LRRC73: variants seen among roughly 807,000 people sequenced by gnomAD.
LRRC73 encodes the protein leucine rich repeat containing 73, also known as leucine-rich repeat-containing protein 73.
In LRRC73, 16 loss-of-function variants were observed where a neutral mutation model predicts 26.4. The ratio of observed to expected loss-of-function variants is 0.61; its 90% CI spans 0.41 to 0.92. LRRC73 has a LOEUF of 0.92. LRRC73 is among the 40% of genes least tolerant of loss of function. LRRC73 has a pLI of 0.00. For synonymous variants in LRRC73, 210 were observed against 179.8 expected, an observed-to-expected ratio of 1.17 and a Z score of -1.34; for missense variants, 344 against 416.3, an observed-to-expected ratio of 0.83 and a Z score of 1.51.
rs1159621121 is a variant in LRRC73 at position 43,508,283 on chromosome 6, A to G, written c.556+15T>C. ...TGAGGCAGTGACAGCCCAAGGGGGT[A>G]TTCTTGAGCCTCACCCAGGGGGTTG... On this transcript the variant is annotated intron_variant, in intron 3 of 5. Coordinates refer to ENST00000372441, the Ensembl canonical transcript of LRRC73. 6.2e-7 allele frequency: 1 copy of G among 1,604,828 alleles called. No homozygotes were observed. Among genetic ancestry groups the G allele is most frequent in the Non-Finnish European group, 8.5e-7 (1 of 1,175,078 alleles).
exon 1 of LRRC73, chr6:43,509,749 G>A (rs1792607611): frequency 1.9e-6 from 3 of 1,585,634 alleles, no homozygotes. Context: ...GCGCCGGACA[G>A]CGGCTCCCCC....
At chr6:43,508,177 C>T (rs1792561479) in intron 3 of LRRC73, 121 bp downstream of exon 3, 2 of 1,405,148 alleles carry the variant, frequency 1.4e-6, no homozygotes, top group Admixed American at 5.3e-5. Flanking sequence ...TCCTTGACCC[C>T]TGGGGGCTCC....
At chr6:43,510,009 G>C (rs900364777) in exon 1 of LRRC73, 6 of 329,366 alleles carry the variant, frequency 1.8e-5, no homozygotes, top group Non-Finnish European at 2.7e-5. Context: ...CAGAGGTGCG[G>C]AGGCGTCCAG....
At chr6:43,507,676 G>A (rs559208326) in exon 5 of LRRC73, 2 of 1,613,714 alleles carry the variant, frequency 1.2e-6, no homozygotes, top group African/African-American at 2.7e-5. Context: ...TGTCCAGCAG[G>A]GTCTGAAGTG....
In LRRC73 at chr6:43,507,683, A is replaced by G. The variant is rs1248704832; in HGVS notation, c.658-5T>C. On this transcript the variant is annotated splice_polypyrimidine_tract_variant and splice_region_variant and intron_variant, in intron 4 of 5. Transcript: ENST00000372441. ...TTCTACCATGTCCAGCAGGGTCTGA[A>G]GTGGGGAAGAATATGGAAAAGGATG... 6.2e-7 allele frequency: 1 copy of G among 1,613,674 alleles called. No homozygotes were observed. The highest frequency in any genetic ancestry group is 8.5e-7 in the Non-Finnish European group (1 of 1,179,658).
chr6:43,509,377 G>A, intron 1 of LRRC73, 137 bp downstream of exon 1: 2 of 1,155,154 alleles, frequency 1.7e-6, no homozygotes, highest in East Asian at 2.6e-5. Context: ...TGAAGGCATG[G>A]GCCGAGGCAC....
At chr6:43,508,985 C>A in intron 1 of LRRC73, 65 bp from the exon 2 acceptor site, 4 of 1,430,358 alleles carry the variant, frequency 2.8e-6, no homozygotes. Context: ...GAAAGGGGCA[C>A]TTTCACTTCT....
At position 43,509,814 on chromosome 6, in the gene LRRC73, G is replaced by A. The variant is rs770169201; in HGVS notation, c.-29C>T. On this transcript the variant is annotated 5_prime_UTR_variant, in exon 1 of 6. Coordinates refer to ENST00000372441, the Ensembl canonical transcript of LRRC73. ...GCCCACGGCTGGGCCTCCGGGTACG[G>A]GGCCGGAACGGAGGTTGGTGGGGCC... 7 of 1,477,114 alleles carry A rather than the reference G, an allele frequency of 4.7e-6. No individual in the cohort carries two copies. The African/African-American group carries it at 8.7e-5, about 18-fold the overall frequency. The allele number at this position is 1,477,114 out of a possible 1,614,324, so 91.5% of individuals were successfully genotyped here. A position where few individuals can be genotyped will look rare whatever the true frequency, so the allele number is the denominator to read the frequency against.
chr6:43,509,174 A>G (rs1379613426), intron 1 of LRRC73, among the ~76,000 whole-genome samples: 1 of 152,208 alleles, frequency 6.6e-6, no homozygotes, highest in Non-Finnish European at 1.5e-5. Context: ...GGTGGACCGG[A>G]ACTCTGCAGT....
exon 1 of LRRC73, chr6:43,509,738 G>T (rs1455086501): frequency 1.3e-6 from 2 of 1,588,506 alleles, no homozygotes; most frequent in South Asian, 1.1e-5. Context: ...CCCGCACCTC[G>T]GCGCCGGACA....
exon 5 of LRRC73, chr6:43,507,488 T>TGAG (rs1351453640): frequency 6.2e-7 from 1 of 1,613,162 alleles, no homozygotes. Context: ...GCTGCCTCTC[T>TGAG]GGTGGGCAGC....
In LRRC73 at chr6:43,507,444, C is replaced by G. The variant is rs757304418; in HGVS notation, c.880+12G>C. ...TCCAGACCTGGCTCTGATCAACCCTCTGGGTTCTTACCGCTGGGGCACATC... is the reference window on the plus strand; with the variant it reads ...TCCAGACCTGGCTCTGATCAACCCTGTGGGTTCTTACCGCTGGGGCACATC... On this transcript the variant is annotated intron_variant, in intron 5 of 5. Transcript: ENST00000372441. 6.2e-7 allele frequency: 1 copy of G among 1,612,876 alleles called. No homozygotes were observed. The highest frequency in any genetic ancestry group is 1.1e-5 in the South Asian group (1 of 91,076).
chr6:43,509,869 CG>C lies in LRRC73; in HGVS notation c.-85del, dbSNP rs1275515807. ...GCGGGGCCGGGGATAGGGCCGGGGT[CG>C]GGGCCCCGGCAGGGGTCGCGGGCGG... On this transcript the variant is annotated 5_prime_UTR_variant, in exon 1 of 6. Coordinates refer to ENST00000372441, the Ensembl canonical transcript of LRRC73. The C allele has an allele frequency of 5.6e-6, 7 of 1,261,116 alleles. No homozygotes were observed. In the African/African-American group the frequency reaches 6.3e-5, roughly 11 times the overall value. The allele number at this position is 1,261,116 out of a possible 1,614,324, so 78.1% of individuals were successfully genotyped here. A position where few individuals can be genotyped will look rare whatever the true frequency, so the allele number is the denominator to read the frequency against.
rs751920147 is a variant in LRRC73 at position 43,508,431 on chromosome 6, T to G, written c.434-11A>C. 6.2e-7 allele frequency: 1 copy of G among 1,613,412 alleles called. No homozygotes were observed. The highest frequency in any genetic ancestry group is 8.5e-7 in the Non-Finnish European group (1 of 1,179,896). On this transcript the variant is annotated splice_polypyrimidine_tract_variant and intron_variant, in intron 2 of 5. Transcript: ENST00000372441. The stretch of plus-strand genomic sequence containing the variant: ...TTAGCTCCTTCAAGCCTGGGCAGCA[T>G]CATAGCAAGAAACCAGAATAGGGAG...
chr6:43,508,404 C>G, exon 3 of LRRC73: 1 of 1,613,586 alleles, frequency 6.2e-7, no homozygotes, highest in Non-Finnish European at 8.5e-7. Flanking sequence ...TGGCACTCAG[C>G]GTTAGCTCCT....
At chr6:43,509,937 C>CGGCTGCGGCGGA (rs939749720) in exon 1 of LRRC73, 9 of 533,492 alleles carry the variant, frequency 1.7e-5, no homozygotes, top group African/African-American at 8.0e-5. Context: ...GCGGAGGCTG[C>CGGCTGCGGCGGA]GGCTGCGGCG....
intron 5 of LRRC73, 62 bp from the exon 6 acceptor site, chr6:43,507,370 G>A: frequency 1.2e-6 from 2 of 1,608,896 alleles, no homozygotes; most frequent in South Asian, 1.1e-5. Context: ...ACCACAGATA[G>A]GTGAGAGCCT....
At chr6:43,508,995 T>C in intron 1 of LRRC73, 75 bp from the exon 2 acceptor site, 1 of 1,419,594 alleles carries the variant, frequency 7.0e-7, no homozygotes, top group Non-Finnish European at 9.3e-7. Flanking sequence ...CTTTCACTTC[T>C]GTCAGCCCTA....
At chr6:43,509,752 G>A in exon 1 of LRRC73, 1 of 1,584,262 alleles carries the variant, frequency 6.3e-7, no homozygotes, top group African/African-American at 1.3e-5. Flanking sequence ...CCGGACAGCG[G>A]CTCCCCCGAA....
Sources: allele counts gnomAD v4.1 joint callset (sites outside exome capture counted in the v4.1 genomes callset), GRCh38; gene constraint gnomAD v4.1.1; transcripts MANE v1.5; gene names NCBI Gene and HGNC (gene_info 2026-07-23, HGNC 2026-07-21).